Variants in SUCO observed in about 807,000 individuals in gnomAD.
SUCO encodes the protein SUN domain-containing ossification factor.
In SUCO, 57 loss-of-function variants were observed where a neutral mutation model predicts 148.1. The observed-to-expected ratio is 0.38, with a 90% confidence interval of 0.31 to 0.48. The LOEUF (loss-of-function observed/expected upper bound fraction) is 0.48, where lower values mean the gene tolerates loss of function less well. Among genes scored for constraint, SUCO ranks in the 20% least tolerant of loss-of-function variants. The probability of loss-of-function intolerance (pLI) is 0.96; values close to 1 mark genes in which losing one functional copy is unlikely to be tolerated. For synonymous variants in SUCO, 470 were observed against 502.7 expected (o/e 0.93, Z 0.87); for missense variants, 1,331 against 1,468.2 (o/e 0.91, Z 1.53).
intron 6 of SUCO, among the ~76,000 whole-genome samples, chr1:172,565,065 ATCTGTTCTGT>A (rs60994408): frequency 4.1e-4 from 62 of 152,046 alleles, no homozygotes; most frequent in South Asian, 2.1e-3. Flanking sequence ...TTCTGTTCTG[ATCTGTTCTGT>A]TCTGTTCTGT....
chr1:172,595,552 A>T (rs1657031389), intron 19 of SUCO, among the ~76,000 whole-genome samples: 1 of 152,156 alleles, frequency 6.6e-6, no homozygotes, highest in Non-Finnish European at 1.5e-5. Flanking sequence ...GTTTGGCTGG[A>T]TATGAAGTTC....
chr1:172,573,743 A>T (rs1479471588), intron 9 of SUCO, 148 bp from the exon 10 acceptor site: 3 of 509,082 alleles, frequency 5.9e-6, no homozygotes, highest in African/African-American at 2.0e-5. Flanking sequence ...GATGCTTCTT[A>T]TAGACAACTA....
intron 15 of SUCO, among the ~76,000 whole-genome samples, chr1:172,584,115 G>A (rs1006492834): frequency 1.3e-5 from 2 of 152,088 alleles, no homozygotes; most frequent in African/African-American, 2.4e-5. Flanking sequence ...TGGTCAATGA[G>A]TTTTTTAAAA....
intron 1 of SUCO, among the ~76,000 whole-genome samples, chr1:172,544,884 G>A (rs1278832853): frequency 6.6e-6 from 1 of 152,202 alleles, no homozygotes; most frequent in Non-Finnish European, 1.5e-5. Context: ...TTTGGCAGAG[G>A]TGTGAATGGT....
chr1:172,553,178 GA>G (rs34585959), intron 2 of SUCO, 81 bp from the exon 3 acceptor site: 18 of 1,378,584 alleles, frequency 1.3e-5, no homozygotes, highest in South Asian at 5.9e-5. Flanking sequence ...TTAAAGTATG[GA>G]AAAAAACCAT....
At chr1:172,534,539 G>A (rs1248863541) in intron 1 of SUCO, among the ~76,000 whole-genome samples, 1 of 152,194 alleles carries the variant, frequency 6.6e-6, no homozygotes. Context: ...ACATAAACAA[G>A]GGGAAGAGAA....
intron 4 of SUCO, chr1:172,556,842 T>C: frequency 1.2e-6 from 1 of 845,712 alleles, no homozygotes; most frequent in Non-Finnish European, 1.4e-6. Context: ...ATATTAAAAA[T>C]GACTGGTTAA....
chr1:172,590,703 G>A (rs1656590033), intron 18 of SUCO, among the ~76,000 whole-genome samples: 1 of 151,984 alleles, frequency 6.6e-6, no homozygotes, highest in Non-Finnish European at 1.5e-5. Flanking sequence ...GAATTAATTG[G>A]CTAATCATGT....
Position 172,602,073 on chromosome 1 carries a change from C to T in SUCO, c.3028C>T (p.Arg1010Ter). The T allele has an allele frequency of 6.2e-7, 1 of 1,607,142 alleles. No individual in the cohort carries two copies. ...CCTCTTCTCATCTCAGGTTTCAGAT[C>T]GACAAAGCTATCTTGTCATATCTTT... ...VAELKREVSD[R>*]QSYLVISLVL... Residue 1010 changes from arginine (R) to a stop codon, truncating the protein, a stop_gained, in exon 21 of 24, where the codon CGA becomes TGA. Transcript: ENST00000263688. LOFTEE classifies it high-confidence loss of function.
intron 1 of SUCO, 143 bp downstream of exon 1, chr1:172,533,640 A>G (rs1651791292): frequency 5.6e-6 from 6 of 1,074,522 alleles, no homozygotes; most frequent in Admixed American, 3.0e-5. Context: ...TTACTTCTCG[A>G]CTCTCCATCT....
Position 172,574,404 on chromosome 1 carries a change from G to C in SUCO, c.1157+406G>C, listed in dbSNP as rs1467489021. On this transcript the variant is annotated intron_variant, in intron 10 of 23. Transcript: ENST00000263688. ...AGTTGTTAAAAACATACATGTGTAG[G>C]TGCTTTATGAGGTATATTTTTATTA... Among the ~76,000 whole-genome samples the C allele has an allele frequency of 3.9e-5, 6 of 151,950 alleles. No individual in the cohort carries two copies. The East Asian group carries it at 1.2e-3, about 29-fold the overall frequency.
chr1:172,605,131 CT>C (rs1358880530), intron 22 of SUCO, among the ~76,000 whole-genome samples: 1 of 151,708 alleles, frequency 6.6e-6, no homozygotes, highest in Non-Finnish European at 1.5e-5. Context: ...CTTTAGGTTG[CT>C]TTTTCACTGT....
chr1:172,610,455 C>T lies in SUCO; in HGVS notation c.*196C>T, dbSNP rs1402461988. On this transcript the variant is annotated 3_prime_UTR_variant, in exon 24 of 24. Transcript: ENST00000263688. ...TGAGCTACAGTTTTACAAAGCTGAT[C>T]ACTTCCTATAAGGACAATGGTAGAC... 8 of 750,084 alleles carry T rather than the reference C, an allele frequency of 1.1e-5. No homozygotes were observed. Among genetic ancestry groups the T allele is most frequent in the Non-Finnish European group, 1.4e-5 (7 of 510,660 alleles). The allele number at this position is 750,084 out of a possible 1,614,324, so 46.5% of individuals were successfully genotyped here. A position where few individuals can be genotyped will look rare whatever the true frequency, so the allele number is the denominator to read the frequency against.
intron 3 of SUCO, among the ~76,000 whole-genome samples, chr1:172,555,112 A>G (rs1178266769): frequency 6.6e-6 from 1 of 152,170 alleles, no homozygotes; most frequent in Non-Finnish European, 1.5e-5. Context: ...TGCGCTAGAT[A>G]CTGTGCTAGA....
intron 1 of SUCO, among the ~76,000 whole-genome samples, chr1:172,540,980 A>G (rs926157255): frequency 6.6e-6 from 1 of 152,188 alleles, no homozygotes; most frequent in Non-Finnish European, 1.5e-5. Context: ...TTGTGAGAAC[A>G]TTATTTTGAC....
rs1312583809 is a variant in SUCO, at chr1:172,589,596, C to G, written c.2495C>G (p.Thr832Ser). Residue 832 changes from threonine to serine, a missense_variant, in exon 18 of 24, where the codon ACT becomes AGT. Transcript: ENST00000263688. ...ETIVPPINTA[T>S]VPDNEDGEAK... is the part of the protein sequence containing the mutation. ...ATAGTGCCACCAATAAATACAGCCA[C>G]TGTACCCGACAATGAAGATGGGGAA... 1.9e-6 allele frequency: 3 copies of G among 1,613,822 alleles called. No homozygotes were observed. Among genetic ancestry groups the G allele is most frequent in the Non-Finnish European group, 2.5e-6 (3 of 1,179,888 alleles).
chr1:172,590,505 T>TA lies in SUCO; in HGVS notation c.2826-478dup, dbSNP rs1481476824. ...TTTTAAACCTATTTACTCTTTTTTT[T>TA]ATCCTCTGTGTGTCCATTGTCTGTC... On this transcript the variant is annotated intron_variant, in intron 18 of 23. Transcript: ENST00000263688. 15 of 267,950 alleles carry TA rather than the reference T, an allele frequency of 5.6e-5. No individual in the cohort carries two copies. In the Admixed American group the frequency reaches 8.5e-4, roughly 15 times the overall value. The allele number at this position is 267,950 out of a possible 1,614,324, so 16.6% of individuals were successfully genotyped here.
intron 2 of SUCO, among the ~76,000 whole-genome samples, chr1:172,552,996 C>T (rs945050625): frequency 1.3e-5 from 2 of 151,970 alleles, no homozygotes; most frequent in African/African-American, 2.4e-5. Context: ...GTGCTTACAA[C>T]GGTGCTGGAT....
intron 13 of SUCO, among the ~76,000 whole-genome samples, 167 bp from the exon 14 acceptor site, chr1:172,578,131 A>G (rs1655593907): frequency 6.6e-6 from 1 of 151,942 alleles, no homozygotes; most frequent in African/African-American, 2.4e-5. Context: ...TTACATTTTA[A>G]TTGAAACAGT....
Sources: allele counts gnomAD v4.1 joint callset (sites outside exome capture counted in the v4.1 genomes callset), GRCh38; gene constraint gnomAD v4.1.1; transcripts MANE v1.5; gene names NCBI Gene and HGNC (gene_info 2026-07-23, HGNC 2026-07-21).